KLHL1: variants seen among roughly 807,000 people sequenced by gnomAD.
KLHL1 encodes the protein kelch like family member 1, also known as kelch-like protein 1.
Under a neutral mutation model 77.7 loss-of-function variants are expected in KLHL1, and 47 were observed. The ratio of observed to expected loss-of-function variants is 0.60; its 90% CI spans 0.48 to 0.77. KLHL1 has a LOEUF of 0.77. Ranked by LOEUF, KLHL1 falls within the 30% of genes least tolerant of loss-of-function variation. The probability of loss-of-function intolerance (pLI) is 0.00; values close to 1 mark genes in which losing one functional copy is unlikely to be tolerated. For missense variants in KLHL1, 925 were observed against 910.8 expected (o/e 1.02, Z -0.20); for synonymous variants, 360 against 325.2 (o/e 1.11, Z -1.15).
intron 1 of KLHL1, among the ~76,000 whole-genome samples, chr13:70,057,757 T>C (rs1196661722): frequency 2.8e-5 from 3 of 108,316 alleles, no homozygotes; most frequent in South Asian, 3.2e-4. Context: ...CAGTCCGGCC[T>C]GGGCGACAGA....
chr13:69,814,049 C>G (rs1287896598), intron 6 of KLHL1, among the ~76,000 whole-genome samples: 2 of 151,998 alleles, frequency 1.3e-5, no homozygotes, highest in Non-Finnish European at 2.9e-5. Flanking sequence ...AATATAAACA[C>G]ACAGACAAAT....
chr13:69,997,426 A>T (rs1463946745), intron 1 of KLHL1, among the ~76,000 whole-genome samples: 1 of 151,390 alleles, frequency 6.6e-6, no homozygotes, highest in East Asian at 1.9e-4. Context: ...CATCTTGCAT[A>T]ACTAAATACT....
intron 7 of KLHL1, among the ~76,000 whole-genome samples, chr13:69,764,882 T>G (rs541565266): frequency 6.8e-6 from 1 of 148,056 alleles, no homozygotes; most frequent in East Asian, 2.0e-4. Context: ...AATAAAATAT[T>G]AGAAGTTACC....
chr13:69,951,220 C>A (rs559038525), intron 3 of KLHL1, among the ~76,000 whole-genome samples: 1 of 151,344 alleles, frequency 6.6e-6, no homozygotes, highest in East Asian at 1.9e-4. Flanking sequence ...ATGCCTTTCC[C>A]AGTATTTTTT....
At chr13:69,788,439 C>T (rs905107391) in intron 7 of KLHL1, among the ~76,000 whole-genome samples, 19 of 152,192 alleles carry the variant, frequency 1.2e-4, no homozygotes, top group South Asian at 6.2e-4. Context: ...CATGTTCTCA[C>T]TCATAGGTGG....
rs552374416 is a variant in KLHL1, at chr13:70,107,144, C to A, written c.497+59G>T. On this transcript the variant is annotated intron_variant, in intron 1 of 10. Transcript: ENST00000377844. ...TAGACTTAGTAGCCACATGAGCACACGCGGTGAAATGAGTGGAAATTGAGA... is the reference window on the plus strand; with the variant it reads ...TAGACTTAGTAGCCACATGAGCACAAGCGGTGAAATGAGTGGAAATTGAGA... The A allele has an allele frequency of 2.4e-5, 36 of 1,529,212 alleles. 1 individual carries two copies. The Admixed American group carries it at 5.9e-4, about 25-fold the overall frequency. 94.7% of individuals were successfully genotyped at this position (1,529,212 alleles called of 1,614,324 possible).
At chr13:70,061,600 A>G (rs572661202) in intron 1 of KLHL1, among the ~76,000 whole-genome samples, 1 of 152,016 alleles carries the variant, frequency 6.6e-6, no homozygotes, top group Non-Finnish European at 1.5e-5. Flanking sequence ...GGCTGCCACA[A>G]TCCAATTTGT....
Position 69,881,191 on chromosome 13 carries a change from A to C in KLHL1, c.1227+1092T>G, listed in dbSNP as rs560207975. Among the ~76,000 whole-genome samples the C allele has an allele frequency of 3.9e-5, 6 of 152,232 alleles. 1 individual carries two copies. In the South Asian group the frequency reaches 1.0e-3, roughly 26 times the overall value. ...TCTCCTGTACTAATCTCAGCAGCCA[A>C]AGGATATATAATTATCACTTATTTA... is the stretch of plus-strand genomic sequence containing the variant. On this transcript the variant is annotated intron_variant, in intron 5 of 10. Coordinates refer to ENST00000377844, the MANE Select transcript of KLHL1 (RefSeq NM_020866.3).
intron 4 of KLHL1, among the ~76,000 whole-genome samples, chr13:69,903,316 G>C (rs1593934483): frequency 6.6e-6 from 1 of 152,110 alleles, no homozygotes; most frequent in South Asian, 2.1e-4. Context: ...AGAGATTTCT[G>C]GTTCGAGGCT....
chr13:69,886,867 G>T (rs999145489), intron 4 of KLHL1, among the ~76,000 whole-genome samples: 3 of 152,020 alleles, frequency 2.0e-5, no homozygotes, highest in African/African-American at 7.2e-5. Flanking sequence ...CATTATAGTA[G>T]GAAGATAAAT....
chr13:70,082,317 A>T (rs1056829850), intron 1 of KLHL1, among the ~76,000 whole-genome samples: 373 of 30,934 alleles, frequency 0.012, 3 homozygotes, highest in African/African-American at 0.053. Context: ...CCTGTCACAC[A>T]CACACACACA....
chr13:69,739,550 G>A (rs766412232), intron 8 of KLHL1, among the ~76,000 whole-genome samples: 1 of 152,148 alleles, frequency 6.6e-6, no homozygotes, highest in African/African-American at 2.4e-5. Context: ...AAGGATGGAG[G>A]AAAATTTATT....
intron 7 of KLHL1, among the ~76,000 whole-genome samples, chr13:69,763,703 T>C (rs946227018): frequency 2.0e-5 from 3 of 152,196 alleles, no homozygotes; most frequent in Non-Finnish European, 2.9e-5. Flanking sequence ...TTAAACAAAA[T>C]GATGGGAAGC....
chr13:69,753,467 C>T (rs1042905984), intron 7 of KLHL1, among the ~76,000 whole-genome samples: 1 of 151,946 alleles, frequency 6.6e-6, no homozygotes, highest in Non-Finnish European at 1.5e-5. Flanking sequence ...CTGTTACAAA[C>T]AAAAACAGAA....
At position 69,903,492 on chromosome 13, in the gene KLHL1, C is replaced by T. The variant is rs1245704110; in HGVS notation, c.1015-20997G>A. 1.4e-4 allele frequency among the ~76,000 whole-genome samples: 5 copies of T among 36,068 alleles called. No homozygotes were observed. The Admixed American group carries it at 1.7e-3, about 13-fold the overall frequency. The allele number at this position is 36,068 out of a possible 152,430, so 23.7% of individuals were successfully genotyped here. A position where few individuals can be genotyped will look rare whatever the true frequency, so the allele number is the denominator to read the frequency against. On this transcript the variant is annotated intron_variant, in intron 4 of 10. Coordinates refer to ENST00000377844, the MANE Select transcript of KLHL1 (RefSeq NM_020866.3). Reference sequence around the variant, plus strand: ...CTGAGTGAGAACTTTTGCTATAAAACCCAAACCCTTTCTTCGTTCTAGTTC... The same window carrying T: ...CTGAGTGAGAACTTTTGCTATAAAATCCAAACCCTTTCTTCGTTCTAGTTC...
chr13:69,780,038 T>C (rs1876058467), intron 7 of KLHL1, among the ~76,000 whole-genome samples: 1 of 151,954 alleles, frequency 6.6e-6, no homozygotes, highest in African/African-American at 2.4e-5. Context: ...TATCTCCTGA[T>C]CTCGGGTGAT....
chr13:70,050,246 T>C (rs1016374735), intron 1 of KLHL1, among the ~76,000 whole-genome samples: 1 of 151,888 alleles, frequency 6.6e-6, no homozygotes, highest in Non-Finnish European at 1.5e-5. Flanking sequence ...CTGTGTTACA[T>C]AAAATAGTTA....
chr13:69,961,175 T>G (rs1884051924), intron 3 of KLHL1, 133 bp downstream of exon 3: 1 of 718,918 alleles, frequency 1.4e-6, no homozygotes, highest in Non-Finnish European at 2.2e-6. Context: ...GTCTGATTTT[T>G]GATCTACTAG....
At chr13:69,842,164 G>A (rs1052583673) in intron 5 of KLHL1, among the ~76,000 whole-genome samples, 2 of 151,498 alleles carry the variant, frequency 1.3e-5, no homozygotes, top group Admixed American at 1.3e-4. Context: ...GACATCAAAA[G>A]CACAGGCAAC....
Sources: gnomAD v4.1 joint callset for allele counts (sites outside exome capture counted in the v4.1 genomes callset) on GRCh38, gnomAD v4.1.1 for gene constraint, MANE v1.5 for transcripts, NCBI Gene and HGNC (gene_info 2026-07-23, HGNC 2026-07-21) for gene names.